The following PBX1 variants were observed in gnomAD, a reference collection of about 807,000 sequenced individuals.
The protein encoded by PBX1 is pre-B-cell leukemia transcription factor 1.
In PBX1, 6 loss-of-function variants were observed where a neutral mutation model predicts 53.4. The observed-to-expected ratio is 0.11, with a 90% CI of 0.06 to 0.22. PBX1 has a LOEUF of 0.22. Ranked by LOEUF, PBX1 falls within the 10% of genes least tolerant of loss-of-function variation. The probability of loss-of-function intolerance (pLI) is 1.00; values close to 1 mark genes in which losing one functional copy is unlikely to be tolerated. For missense variants in PBX1, 251 were observed against 551.4 expected, an observed-to-expected ratio of 0.46 and a Z score of 5.46; for synonymous variants, 204 against 212.3, an observed-to-expected ratio of 0.96 and a Z score of 0.34.
chr1:164,684,174 C>G (rs140140493), intron 2 of PBX1: 1 of 152,150 alleles, frequency 6.6e-6, no homozygotes, highest in Non-Finnish European at 1.5e-5. Context: ...AACAGCTATG[C>G]TTACCTTTAA....
chr1:164,578,352 T>G (rs1393731691), intron 2 of PBX1, among the ~76,000 whole-genome samples: 1 of 152,244 alleles, frequency 6.6e-6, no homozygotes, highest in Non-Finnish European at 1.5e-5. Flanking sequence ...GGTTGTATAG[T>G]GAAAAAGTTA....
intron 2 of PBX1, among the ~76,000 whole-genome samples, chr1:164,752,806 C>G (rs1351725697): frequency 6.6e-6 from 1 of 152,150 alleles, no homozygotes; most frequent in Non-Finnish European, 1.5e-5. Flanking sequence ...TTTGGCCTGT[C>G]ATTGGGGTAA....
chr1:164,733,017 T>C (rs1665083367), intron 2 of PBX1, among the ~76,000 whole-genome samples: 1 of 152,222 alleles, frequency 6.6e-6, no homozygotes, highest in African/African-American at 2.4e-5. Context: ...GTCTTGATCT[T>C]ATTGAGCCTC....
At position 164,712,215 on chromosome 1, in the gene PBX1, GCT is replaced by G. The variant is rs1663835972; in HGVS notation, c.266-80274_266-80273del. On this transcript the variant is annotated intron_variant, in intron 2 of 8. Transcript: ENST00000420696. ...AAAAAGCCCCACTGCCAGTCGGGCA[GCT>G]CTCTGTCTGCTGTCTGCAGGCTGCT... is the stretch of plus-strand genomic sequence containing the variant. 5.3e-5 allele frequency among the ~76,000 whole-genome samples: 8 copies of G among 149,624 alleles called. No homozygotes were observed. The South Asian group carries it at 1.7e-3, about 32-fold the overall frequency.
chr1:164,572,331 C>T (rs189904162), intron 2 of PBX1, among the ~76,000 whole-genome samples: 26 of 152,192 alleles, frequency 1.7e-4, no homozygotes, highest in Non-Finnish European at 2.8e-4. Flanking sequence ...TGTCTCCTCT[C>T]TATGTTTAGG....
At chr1:164,786,839 A>G (rs549042267) in intron 2 of PBX1, among the ~76,000 whole-genome samples, 14 of 152,234 alleles carry the variant, frequency 9.2e-5, no homozygotes, top group Admixed American at 2.0e-4. Context: ...TTAAAGATCT[A>G]GAGTTCAGTG....
intron 2 of PBX1, among the ~76,000 whole-genome samples, chr1:164,776,990 G>A (rs1352249401): frequency 6.5e-5 from 9 of 137,646 alleles, no homozygotes; most frequent in African/African-American, 1.9e-4. Context: ...GAGGTGTGGG[G>A]GGGCGGGGGG....
intron 2 of PBX1, among the ~76,000 whole-genome samples, chr1:164,623,347 C>T (rs965722921): frequency 2.0e-5 from 3 of 152,084 alleles, no homozygotes; most frequent in East Asian, 1.9e-4. Flanking sequence ...CTGGAGAGGG[C>T]GTGGTGTGGG....
intron 6 of PBX1, chr1:164,814,027 G>T (rs565810797): frequency 1.3e-5 from 2 of 152,150 alleles, no homozygotes; most frequent in African/African-American, 2.4e-5. Flanking sequence ...ATCTGCACAG[G>T]AACCCCTTTG....
intron 8 of PBX1, among the ~76,000 whole-genome samples, chr1:164,845,981 T>C (rs1490925893): frequency 6.6e-6 from 1 of 152,208 alleles, no homozygotes; most frequent in Non-Finnish European, 1.5e-5. Context: ...CTACCATTTA[T>C]TAGGTTCTGC....
intron 4 of PBX1, among the ~76,000 whole-genome samples, chr1:164,801,547 T>C (rs1042442579): frequency 2.0e-4 from 31 of 152,016 alleles, no homozygotes; most frequent in African/African-American, 7.5e-4. Context: ...TCTCATTGGA[T>C]ATCTTCTCTC....
intron 2 of PBX1, among the ~76,000 whole-genome samples, chr1:164,656,412 A>G (rs1051996952): frequency 4.6e-5 from 7 of 152,218 alleles, no homozygotes; most frequent in African/African-American, 1.4e-4. Flanking sequence ...TGCCTGTACA[A>G]TCTGCATTCT....
At chr1:164,578,185 C>G (rs538224923) in intron 2 of PBX1, among the ~76,000 whole-genome samples, 97 of 152,290 alleles carry the variant, frequency 6.4e-4, no homozygotes, top group African/African-American at 2.2e-3. Flanking sequence ...CAAGATCCCA[C>G]TGGAGTATAT....
chr1:164,879,889 C>T (rs1672605345), intron 2 of PBX1, among the ~76,000 whole-genome samples: 1 of 152,064 alleles, frequency 6.6e-6, no homozygotes, highest in Admixed American at 6.5e-5. Flanking sequence ...CCTAAAAAAA[C>T]ACAAAAGCCT....
chr1:164,766,187 G>T (rs1038077190), intron 2 of PBX1, among the ~76,000 whole-genome samples: 1 of 152,176 alleles, frequency 6.6e-6, no homozygotes, highest in Non-Finnish European at 1.5e-5. Context: ...GGGGAGATTA[G>T]TATATGCTAG....
intron 2 of PBX1, among the ~76,000 whole-genome samples, chr1:164,617,099 G>A (rs560832762): frequency 6.6e-6 from 1 of 152,228 alleles, no homozygotes; most frequent in South Asian, 2.1e-4. Context: ...ATATGCTAAA[G>A]CTCATTGGCC....
rs11299132 is a variant in PBX1, at chr1:164,622,822, C to CTT, written c.265+59530_265+59531dup. ...ATACATACATACACACAGTTTCCATCTTTTTTTTTTTTTTTTTTTTGAGAC... is the reference window on the plus strand; with the variant it reads ...ATACATACATACACACAGTTTCCATCTTTTTTTTTTTTTTTTTTTTTTGAGAC... On this transcript the variant is annotated intron_variant, in intron 2 of 8. Transcript: ENST00000420696. 2.6e-3 allele frequency among the ~76,000 whole-genome samples: 280 copies of CTT among 106,272 alleles called. 6 individuals carry two copies. The highest frequency in any genetic ancestry group is 3.1e-3 in the Non-Finnish European group (166 of 52,912). The allele number at this position is 106,272 out of a possible 152,430, so 69.7% of individuals were successfully genotyped here.
chr1:164,762,505 C>T (rs1404163978), intron 2 of PBX1, among the ~76,000 whole-genome samples: 1 of 152,208 alleles, frequency 6.6e-6, no homozygotes, highest in Non-Finnish European at 1.5e-5. Context: ...AAGTGTGCTT[C>T]ATTTTCATAT....
intron 4 of PBX1, among the ~76,000 whole-genome samples, chr1:164,807,263 A>G (rs1328343102): frequency 6.6e-6 from 1 of 152,176 alleles, no homozygotes; most frequent in Non-Finnish European, 1.5e-5. Context: ...TCTCAAAAAA[A>G]CAAACCAAGA....
Sources: gnomAD v4.1 joint callset for allele counts (sites outside exome capture counted in the v4.1 genomes callset) on GRCh38, gnomAD v4.1.1 for gene constraint, MANE v1.5 for transcripts, NCBI Gene and HGNC (gene_info 2026-07-23, HGNC 2026-07-21) for gene names.